Variants in IGSF3 observed in about 807,000 individuals in gnomAD.
IGSF3 encodes the protein immunoglobulin superfamily member 3.
IGSF3 carries 23 observed loss-of-function variants against 114.4 expected under a neutral mutation model. The observed-to-expected ratio is 0.20, with a 90% CI of 0.14 to 0.28. The LOEUF (loss-of-function observed/expected upper bound fraction) is 0.28, where lower values mean the gene tolerates loss of function less well. IGSF3 is among the 10% of genes least tolerant of loss of function. IGSF3 has a pLI of 1.00. For synonymous variants in IGSF3, 571 were observed against 645.2 expected, an observed-to-expected ratio of 0.88 and a Z score of 1.74; for missense variants, 1,172 against 1,591.5, an observed-to-expected ratio of 0.74 and a Z score of 4.48.
rs147909312 is a variant in IGSF3, at chr1:116,606,263, T to C, written c.1222+1679A>G. On this transcript the variant is annotated intron_variant, in intron 5 of 10. Coordinates refer to ENST00000369486, the MANE Select transcript of IGSF3 (RefSeq NM_001007237.3). ...AAATATTTCCTAATGCAATGCAAGC[T>C]CAACCACTAACTGAACAATCAGCTC... 9.7e-4 allele frequency among the ~76,000 whole-genome samples: 148 copies of C among 152,370 alleles called. 2 individuals are homozygous for C. The highest frequency in any genetic ancestry group is 3.4e-3 in the African/African-American group (140 of 41,584).
In IGSF3 at chr1:116,596,814, G is replaced by A. The variant is rs1044945597; in HGVS notation, c.2029+3127C>T. Among the ~76,000 whole-genome samples, 1 of 152,200 alleles carries A rather than the reference G, an allele frequency of 6.6e-6. No homozygotes were observed. The highest frequency in any genetic ancestry group is 2.4e-5 in the African/African-American group (1 of 41,446). On this transcript the variant is annotated intron_variant, in intron 7 of 10. Coordinates refer to ENST00000369486, the MANE Select transcript of IGSF3 (RefSeq NM_001007237.3). This position sits in a 1 kb window ranked among gnomAD's most constrained non-coding sequence, Gnocchi z 4.1. ...CAATTTATGTAACTTCTGTGTCAGT[G>A]TCCTCATCTGTGAAGTTGGGTAAAA...
At chr1:116,602,334 T>C (rs1012348515) in intron 6 of IGSF3, among the ~76,000 whole-genome samples, 4 of 150,030 alleles carry the variant, frequency 2.7e-5, no homozygotes, top group South Asian at 2.1e-4. Context: ...TAATCACTCA[T>C]TGGACATTCC....
rs185673541 is a variant in IGSF3 at position 116,648,468 on chromosome 1, C to T, written c.43+17816G>A. On this transcript the variant is annotated intron_variant, in intron 2 of 10. Transcript: ENST00000369486. This position sits in a 1 kb window ranked among gnomAD's most constrained non-coding sequence, Gnocchi z 4.7. The stretch of plus-strand genomic sequence containing the variant: ...GCTTTGTTTAAAGCACAGTCAGACC[C>T]GCCATCTGCACTTTTACCTGCTGCC... Among the ~76,000 whole-genome samples, 23 of 152,260 alleles carry T rather than the reference C, an allele frequency of 1.5e-4. No individual in the cohort carries two copies. The highest frequency in any genetic ancestry group is 4.8e-4 in the African/African-American group (20 of 41,534).
chr1:116,591,961 A>G (rs564778487), intron 7 of IGSF3, among the ~76,000 whole-genome samples: 3 of 152,352 alleles, frequency 2.0e-5, no homozygotes, highest in African/African-American at 7.2e-5. Context: ...AGAACCTGGG[A>G]TATAACAAAC....
In IGSF3 at chr1:116,624,842, GA is replaced by G. The variant is rs1254757931; in HGVS notation, c.44-8386del. Among the ~76,000 whole-genome samples the G allele has an allele frequency of 2.0e-5, 3 of 152,222 alleles. No individual in the cohort carries two copies. Among genetic ancestry groups the G allele is most frequent in the African/African-American group, 7.2e-5 (3 of 41,452 alleles). ...TGTGAGGGGGCCCAAGGCACATGGA[GA>G]GGCCCTGGGCAGGTGCTCCAGTCCA... On this transcript the variant is annotated intron_variant, in intron 2 of 10. Coordinates refer to ENST00000369486, the MANE Select transcript of IGSF3 (RefSeq NM_001007237.3). The surrounding 1 kb of genome is among the most constrained non-coding windows in gnomAD (Gnocchi z 4.9).
At chr1:116,667,450 G>A (rs1386106097) in intron 1 of IGSF3, among the ~76,000 whole-genome samples, 168 bp downstream of exon 1, 6 of 152,046 alleles carry the variant, frequency 3.9e-5, no homozygotes, top group Admixed American at 2.0e-4. Context: ...GCCGGAGCGC[G>A]CTCGCAGCGC....
At position 116,661,374 on chromosome 1, in the gene IGSF3, G is replaced by A. The variant is rs183431565; in HGVS notation, c.43+4910C>T. On this transcript the variant is annotated intron_variant, in intron 2 of 10. Coordinates refer to ENST00000369486, the MANE Select transcript of IGSF3 (RefSeq NM_001007237.3). The surrounding 1 kb of genome is among the most constrained non-coding windows in gnomAD (Gnocchi z 4.0). ...TGGGACTACAGTAATGAACATGACAGATGGTCTTCAAGAATTTTATACAGA... is the reference window on the plus strand; with the variant it reads ...TGGGACTACAGTAATGAACATGACAAATGGTCTTCAAGAATTTTATACAGA... Among the ~76,000 whole-genome samples the A allele has an allele frequency of 3.9e-5, 6 of 152,338 alleles. No individual in the cohort carries two copies. Among genetic ancestry groups the A allele is most frequent in the Admixed American group, 3.9e-4 (6 of 15,302 alleles).
chr1:116,592,639 C>T lies in IGSF3; in HGVS notation c.2030-3535G>A, dbSNP rs553475433. On this transcript the variant is annotated intron_variant, in intron 7 of 10. Transcript: ENST00000369486. This position sits in a 1 kb window ranked among gnomAD's most constrained non-coding sequence, Gnocchi z 4.5. ...AGCTTTCTCAGCCAGCCTACCCTCC[C>T]TTCGGATTCCACTCTGTGCGTGCTC... Among the ~76,000 whole-genome samples, 17 of 152,300 alleles carry T rather than the reference C, an allele frequency of 1.1e-4. No homozygotes were observed. In the South Asian group the frequency reaches 3.5e-3, roughly 32 times the overall value.
Position 116,598,923 on chromosome 1 carries a change from C to G in IGSF3, c.2029+1018G>C, listed in dbSNP as rs1371193776. Among the ~76,000 whole-genome samples, 2 of 152,184 alleles carry G rather than the reference C, an allele frequency of 1.3e-5. No homozygotes were observed. Among genetic ancestry groups the G allele is most frequent in the African/African-American group, 4.8e-5 (2 of 41,442 alleles). On this transcript the variant is annotated intron_variant, in intron 7 of 10. Coordinates refer to ENST00000369486, the MANE Select transcript of IGSF3 (RefSeq NM_001007237.3). The surrounding 1 kb of genome is among the most constrained non-coding windows in gnomAD (Gnocchi z 4.3). ...AAGGCGAGAGTGTTTGCAGAAAGCC[C>G]CACTGACTAATGCTCCCCAAATTAA...
Position 116,625,983 on chromosome 1 carries a change from C to A in IGSF3, c.44-9526G>T, listed in dbSNP as rs1661560145. Among the ~76,000 whole-genome samples, 1 of 152,164 alleles carries A rather than the reference C, an allele frequency of 6.6e-6. No homozygotes were observed. Among genetic ancestry groups the A allele is most frequent in the African/African-American group, 2.4e-5 (1 of 41,426 alleles). On this transcript the variant is annotated intron_variant, in intron 2 of 10. Transcript: ENST00000369486. The surrounding 1 kb of genome is among the most constrained non-coding windows in gnomAD (Gnocchi z 4.7). ...TAGGTTGAGACATTTAGCTACTGAG[C>A]CCCAGGGATGGGTGGCTGCTTCTAA...
Position 116,624,423 on chromosome 1 carries a change from C to A in IGSF3, c.44-7966G>T, listed in dbSNP as rs2336275. Among the ~76,000 whole-genome samples the A allele has an allele frequency of 6.6e-6, 1 of 152,146 alleles. No homozygotes were observed. The highest frequency in any genetic ancestry group is 1.9e-4 in the East Asian group (1 of 5,192). On this transcript the variant is annotated intron_variant, in intron 2 of 10. Transcript: ENST00000369486. The surrounding 1 kb of genome is among the most constrained non-coding windows in gnomAD (Gnocchi z 4.9). ...CTGTAAAGTGGTATAATTGTCACAG[C>A]GTTATGGAAGGATTAAATGAGTTGC...
chr1:116,653,832 C>A (rs1266100834), intron 2 of IGSF3, among the ~76,000 whole-genome samples: 1 of 152,206 alleles, frequency 6.6e-6, no homozygotes, highest in African/African-American at 2.4e-5. Context: ...CACAGAGGTG[C>A]CGAAACGCAG....
chr1:116,580,655 C>T (rs1181977734), intron 9 of IGSF3, among the ~76,000 whole-genome samples: 2 of 152,242 alleles, frequency 1.3e-5, no homozygotes, highest in East Asian at 1.9e-4. Context: ...ATGCTGGTGC[C>T]CTGACCTCAG....
At position 116,627,326 on chromosome 1, in the gene IGSF3, C is replaced by G. The variant is rs1289459117; in HGVS notation, c.44-10869G>C. Among the ~76,000 whole-genome samples, 1 of 152,190 alleles carries G rather than the reference C, an allele frequency of 6.6e-6. No individual in the cohort carries two copies. Among genetic ancestry groups the G allele is most frequent in the Non-Finnish European group, 1.5e-5 (1 of 68,034 alleles). ...ATTATTTTACGCTTCATTTCTGGACCTAGGATACCCCAGTTTCTCCAGACT... is the reference window on the plus strand; with the variant it reads ...ATTATTTTACGCTTCATTTCTGGACGTAGGATACCCCAGTTTCTCCAGACT... On this transcript the variant is annotated intron_variant, in intron 2 of 10. Coordinates refer to ENST00000369486, the MANE Select transcript of IGSF3 (RefSeq NM_001007237.3). This position sits in a 1 kb window ranked among gnomAD's most constrained non-coding sequence, Gnocchi z 4.7.
In IGSF3 at chr1:116,584,845, G is replaced by T; in HGVS notation, c.2648C>A (p.Ala883Asp). The T allele has an allele frequency of 6.2e-7, 1 of 1,614,228 alleles. No individual in the cohort carries two copies. The change falls in exon 9 of 11, where the codon GCC (alanine) becomes GAC (aspartate). Residue 883 changes from alanine (A) to aspartate (D), a missense_variant. Ala to Asp is a moderately radical substitution (Grantham distance 126). Transcript: ENST00000369486. This position sits in a 1 kb window ranked among gnomAD's most constrained non-coding sequence, Gnocchi z 5.8. ...DATFHYGEQA[A>D]KNNLKGRLHL... ...CAGCCGCCCCTTCAGATTGTTCTTG[G>T]CTGCCTGCTCTCCATAGTGGAAGGT...
At position 116,616,117 on chromosome 1, in the gene IGSF3, T is replaced by A. The variant is rs373856767; in HGVS notation, c.384A>T (p.Gln128His). Reference sequence around the variant, plus strand: ...TCTTTGCACTGTAACTCCCAAAGTATTGCTTATCAGTGCTGGGTGTGTGGC... The same window carrying A: ...TCTTTGCACTGTAACTCCCAAAGTAATGCTTATCAGTGCTGGGTGTGTGGC... ...YECHTPSTDK[Q>H]YFGSYSAKMN... Residue 128 changes from glutamine (Q) to histidine (H), a missense_variant, in exon 3 of 11, where the codon CAA (glutamine) becomes CAT (histidine). By Grantham distance (24) the Gln-to-His change is conservative. Transcript: ENST00000369486. This position sits in a 1 kb window ranked among gnomAD's most constrained non-coding sequence, Gnocchi z 6.6. 1.9e-6 allele frequency: 3 copies of A among 1,609,998 alleles called. No individual in the cohort carries two copies. Among genetic ancestry groups the A allele is most frequent in the Non-Finnish European group, 2.5e-6 (3 of 1,176,474 alleles).
rs76752263 is a variant in IGSF3, at chr1:116,588,104, C to T, written c.2440+590G>A. Among the ~76,000 whole-genome samples, 1,636 of 152,120 alleles carry T rather than the reference C, an allele frequency of 0.011. 30 individuals are homozygous for T. The highest frequency in any genetic ancestry group is 0.038 in the African/African-American group (1,563 of 41,524). On this transcript the variant is annotated intron_variant, in intron 8 of 10. Coordinates refer to ENST00000369486, the MANE Select transcript of IGSF3 (RefSeq NM_001007237.3). This position sits in a 1 kb window ranked among gnomAD's most constrained non-coding sequence, Gnocchi z 4.9. ...TGCCCAAAAATGGAACTGAGGCTTG[C>T]GGACTGAATAGCTCTCCCTCCCTGG...
At position 116,589,711 on chromosome 1, in the gene IGSF3, A is replaced by G. The variant is rs1660014737; in HGVS notation, c.2030-607T>C. On this transcript the variant is annotated intron_variant, in intron 7 of 10. Coordinates refer to ENST00000369486, the MANE Select transcript of IGSF3 (RefSeq NM_001007237.3). This position sits in a 1 kb window ranked among gnomAD's most constrained non-coding sequence, Gnocchi z 5.7. ...CATACCCTTCCTCAGCACCCTCTAT[A>G]TATCTCTGGGCTGTGTGTCCTCACA... Among the ~76,000 whole-genome samples the G allele has an allele frequency of 1.3e-5, 2 of 151,806 alleles. No individual in the cohort carries two copies. The highest frequency in any genetic ancestry group is 2.4e-5 in the African/African-American group (1 of 41,304).
rs1357169392 is a variant in IGSF3 at position 116,577,423 on chromosome 1, AGAGTTCTTGCTG to A, written c.3462_3473del (p.Ser1155_Ser1158del). 1 of 1,614,216 alleles carries A rather than the reference AGAGTTCTTGCTG, an allele frequency of 6.2e-7. No individual in the cohort carries two copies. Among genetic ancestry groups the A allele is most frequent in the African/African-American group, 1.3e-5 (1 of 75,050 alleles). On this transcript the variant is annotated inframe_deletion, in exon 11 of 11. Coordinates refer to ENST00000369486, the MANE Select transcript of IGSF3 (RefSeq NM_001007237.3). This position sits in a 1 kb window ranked among gnomAD's most constrained non-coding sequence, Gnocchi z 5.7. Reference sequence around the variant, plus strand: ...GCAGAGGCACCCCATTCTTCCCATCAGAGTTCTTGCTGGAGTTCCGGCTCTTGAAACGCACCA... The same window carrying A: ...GCAGAGGCACCCCATTCTTCCCATCAGAGTTCCGGCTCTTGAAACGCACCA...
Sources: gnomAD v4.1 joint callset for allele counts (sites outside exome capture counted in the v4.1 genomes callset) on GRCh38, gnomAD v4.1.1 for gene constraint, Gnocchi (gnomAD v3.1) non-coding constraint, MANE v1.5 for transcripts, NCBI Gene and HGNC (gene_info 2026-07-23, HGNC 2026-07-21) for gene names.